Variants in TCF20 observed in about 807,000 individuals in gnomAD.
TCF20 encodes transcription factor 20.
TCF20 carries 3 observed loss-of-function variants against 148.6 expected under a neutral mutation model. The ratio of observed to expected loss-of-function variants is 0.02; its 90% CI spans 0.01 to 0.05. The LOEUF (loss-of-function observed/expected upper bound fraction) is 0.05, where lower values mean the gene tolerates loss of function less well. TCF20 is among the 10% of genes least tolerant of loss of function. The probability of loss-of-function intolerance (pLI) is 1.00; values close to 1 mark genes in which losing one functional copy is unlikely to be tolerated. For missense variants in TCF20, 2,350 were observed against 2,429.3 expected, an observed-to-expected ratio of 0.97 and a Z score of 0.69; for synonymous variants, 1,049 against 909.5, an observed-to-expected ratio of 1.15 and a Z score of -2.76.
intron 1 of TCF20, among the ~76,000 whole-genome samples, chr22:42,277,217 G>A (rs1480395799): frequency 1.3e-5 from 2 of 152,128 alleles, no homozygotes; most frequent in African/African-American, 4.8e-5. Context: ...TTACTCAAAT[G>A]CCACCTCCTC....
intron 1 of TCF20, among the ~76,000 whole-genome samples, chr22:42,264,917 T>C (rs886962923): frequency 7.9e-5 from 12 of 152,238 alleles, no homozygotes; most frequent in African/African-American, 2.9e-4. Flanking sequence ...GTGGAAACCA[T>C]CTTCCAATCA....
At chr22:42,205,779 T>G (rs998312949) in intron 2 of TCF20, among the ~76,000 whole-genome samples, 3 of 152,198 alleles carry the variant, frequency 2.0e-5, no homozygotes, top group Non-Finnish European at 4.4e-5. Context: ...ACTTTTTTCT[T>G]ATTTTTTTTA....
upstream of TCF20, among the ~76,000 whole-genome samples, chr22:42,285,733 A>C (rs1424231801): frequency 1.3e-5 from 2 of 152,014 alleles, no homozygotes; most frequent in African/African-American, 4.8e-5. The surrounding 1 kb of genome is among the most constrained non-coding windows in gnomAD (Gnocchi z 4.2). Flanking sequence ...TCAGCCATCC[A>C]AAGTGCTAGG....
intron 1 of TCF20, among the ~76,000 whole-genome samples, chr22:42,222,392 C>T (rs767001929): frequency 2.6e-5 from 4 of 152,174 alleles, no homozygotes; most frequent in South Asian, 4.1e-4. Flanking sequence ...CCATTCTCGT[C>T]ACTGTCATTT....
intron 3 of TCF20, 93 bp from the exon 4 acceptor site, chr22:42,169,989 G>A: frequency 7.7e-7 from 1 of 1,291,494 alleles, no homozygotes; most frequent in Non-Finnish European, 1.1e-6. Flanking sequence ...AGACATAAAG[G>A]TAGCAGGTCG....
chr22:42,202,668 G>A lies in TCF20; in HGVS notation c.5655+6983C>T, dbSNP rs117901232. On this transcript the variant is annotated intron_variant, in intron 2 of 5. Coordinates refer to ENST00000677622, the MANE Select transcript of TCF20 (RefSeq NM_001378418.1). ...TGCAGTAGCAAGCCTTGAGGGTCCC[G>A]CGAAATTGGCCTTGGCTTGGGGTGC... 2.9e-4 allele frequency among the ~76,000 whole-genome samples: 44 copies of A among 152,346 alleles called. 1 individual carries two copies. In the East Asian group the frequency reaches 8.1e-3, roughly 28 times the overall value.
chr22:42,252,258 G>C (rs1925435979), intron 1 of TCF20, among the ~76,000 whole-genome samples: 2 of 149,646 alleles, frequency 1.3e-5, no homozygotes, highest in African/African-American at 4.9e-5. Flanking sequence ...ACTCCAGCCT[G>C]GGCGACAGAA....
chr22:42,198,364 G>T (rs938823905), intron 2 of TCF20, among the ~76,000 whole-genome samples: 1 of 152,180 alleles, frequency 6.6e-6, no homozygotes, highest in Non-Finnish European at 1.5e-5. Context: ...ATAGTGCTTA[G>T]AAAGCATTCA....
chr22:42,243,046 A>C (rs927414083), intron 1 of TCF20, among the ~76,000 whole-genome samples: 2 of 152,038 alleles, frequency 1.3e-5, no homozygotes, highest in Non-Finnish European at 2.9e-5. Flanking sequence ...CCAAGGGAAG[A>C]GGGGGAAGGA....
chr22:42,250,844 G>A (rs1232532148), intron 1 of TCF20, among the ~76,000 whole-genome samples: 1 of 152,192 alleles, frequency 6.6e-6, no homozygotes, highest in Admixed American at 6.5e-5. Flanking sequence ...TTCCAGGAAG[G>A]CCTCAGGAAG....
chr22:42,253,398 A>G (rs1390660209), intron 1 of TCF20, among the ~76,000 whole-genome samples: 1 of 152,220 alleles, frequency 6.6e-6, no homozygotes, highest in Non-Finnish European at 1.5e-5. Flanking sequence ...AAATATAGAA[A>G]AAAAAATAAA....
intron 1 of TCF20, among the ~76,000 whole-genome samples, chr22:42,305,804 C>T (rs570507426): frequency 2.8e-4 from 40 of 144,124 alleles, no homozygotes; most frequent in Admixed American, 2.3e-3. Flanking sequence ...CACCCCAGAT[C>T]TGGCCCTCCC....
chr22:42,225,469 C>A (rs1454281671), intron 1 of TCF20, among the ~76,000 whole-genome samples: 1 of 150,678 alleles, frequency 6.6e-6, no homozygotes, highest in Non-Finnish European at 1.5e-5. Flanking sequence ...AAAAAATTAG[C>A]CGGGCGCGGT....
At chr22:42,240,297 C>T (rs1332257347) in intron 1 of TCF20, among the ~76,000 whole-genome samples, 1 of 152,048 alleles carries the variant, frequency 6.6e-6, no homozygotes, top group Non-Finnish European at 1.5e-5. Flanking sequence ...CTTAAAGCAC[C>T]CACCAACCAA....
intron 1 of TCF20, among the ~76,000 whole-genome samples, chr22:42,331,683 G>T (rs1244662715): frequency 1.3e-5 from 2 of 152,258 alleles, no homozygotes; most frequent in Admixed American, 1.3e-4. Flanking sequence ...GGCTCTGATG[G>T]TGCAGGTGTG....
At chr22:42,187,870 T>A (rs1007379116) in intron 2 of TCF20, among the ~76,000 whole-genome samples, 1 of 152,228 alleles carries the variant, frequency 6.6e-6, no homozygotes, top group African/African-American at 2.4e-5. Context: ...TACAATGGAC[T>A]TACTCATTTT....
At chr22:42,232,361 A>G (rs1461074033) in intron 1 of TCF20, among the ~76,000 whole-genome samples, 1 of 152,154 alleles carries the variant, frequency 6.6e-6, no homozygotes, top group Non-Finnish European at 1.5e-5. Flanking sequence ...TGCACTTCTT[A>G]GAAATATTCT....
intron 1 of TCF20, among the ~76,000 whole-genome samples, chr22:42,246,286 G>A (rs1924897434): frequency 6.6e-6 from 1 of 152,088 alleles, no homozygotes; most frequent in African/African-American, 2.4e-5. Flanking sequence ...CGTATTTTTG[G>A]TAGAGACAGG....
chr22:42,211,856 C>T lies in TCF20; in HGVS notation c.3450G>A (p.Gly1150=), dbSNP rs1435526343. The T allele has an allele frequency of 6.2e-7, 1 of 1,614,062 alleles. No homozygotes were observed. The highest frequency in any genetic ancestry group is 2.2e-5 in the East Asian group (1 of 44,890). ...CCTGGGCACTGGGGTCATGGTAAGT[C>T]CCCACTGGTGGGCCATACATCATAC... ...KDGMMYGPPV[G]TYHDPSAQEA... Residue 1150 remains glycine (G), a synonymous_variant, in exon 2 of 6, where the codon GGG becomes GGA. Transcript: ENST00000677622.
Sources: gnomAD v4.1 joint callset for allele counts (sites outside exome capture counted in the v4.1 genomes callset) on GRCh38, gnomAD v4.1.1 for gene constraint, Gnocchi (gnomAD v3.1) non-coding constraint, MANE v1.5 for transcripts, NCBI Gene and HGNC (gene_info 2026-07-23, HGNC 2026-07-21) for gene names.